The following KCNN2 variants were observed in gnomAD, a reference collection of about 807,000 sequenced individuals.
KCNN2 encodes small conductance calcium-activated potassium channel protein 2.
Under a neutral mutation model 55.5 loss-of-function variants are expected in KCNN2, and 24 were observed. That is an observed-to-expected ratio of 0.43 (90% CI 0.31 to 0.61). KCNN2 has a LOEUF of 0.61. KCNN2 is among the 20% of genes least tolerant of loss of function. The probability of loss-of-function intolerance (pLI) is 0.08; values close to 1 mark genes in which losing one functional copy is unlikely to be tolerated. For synonymous variants in KCNN2, 431 were observed against 336.1 expected, an observed-to-expected ratio of 1.28 and a Z score of -3.09; for missense variants, 754 against 853.6, an observed-to-expected ratio of 0.88 and a Z score of 1.45.
At chr5:114,189,716 TA>T (rs1753412210) in intron 1 of KCNN2, among the ~76,000 whole-genome samples, 1 of 152,186 alleles carries the variant, frequency 6.6e-6, no homozygotes, top group Admixed American at 6.5e-5. Flanking sequence ...CTCCAATTTA[TA>T]AATAAAATGA....
chr5:114,135,887 C>T (rs775129388), intron 1 of KCNN2, among the ~76,000 whole-genome samples: 23 of 151,766 alleles, frequency 1.5e-4, no homozygotes, highest in Non-Finnish European at 3.1e-4. Flanking sequence ...TTAATATATA[C>T]GTGTGGAAAA....
intron 2 of KCNN2, among the ~76,000 whole-genome samples, chr5:114,320,096 C>T (rs1479237239): frequency 6.6e-6 from 1 of 152,148 alleles, no homozygotes; most frequent in Non-Finnish European, 1.5e-5. Context: ...AGATCCCCTT[C>T]TTCATATCCC....
At chr5:114,374,775 A>G (rs750154279) in intron 2 of KCNN2, among the ~76,000 whole-genome samples, 1 of 152,200 alleles carries the variant, frequency 6.6e-6, no homozygotes, top group African/African-American at 2.4e-5. Context: ...GGAATTAATT[A>G]TGTAGACCAT....
intron 2 of KCNN2, among the ~76,000 whole-genome samples, chr5:114,387,873 C>G (rs537426972): frequency 1.3e-5 from 2 of 152,158 alleles, no homozygotes; most frequent in African/African-American, 4.8e-5. Context: ...TCTGCTCCCA[C>G]TCAGATATTA....
At chr5:114,078,584 G>GAT (rs763271279) in intron 1 of KCNN2, among the ~76,000 whole-genome samples, 7 of 152,148 alleles carry the variant, frequency 4.6e-5, no homozygotes, top group Non-Finnish European at 8.8e-5. Context: ...GGATAAATCA[G>GAT]TTCCTATGGG....
rs140835716 is a variant in KCNN2, at chr5:114,139,411, CTTCT to C, written c.-270-82066_-270-82063del. Among the ~76,000 whole-genome samples the C allele has an allele frequency of 4.1e-3, 622 of 151,418 alleles. 2 individuals carry two copies. Among genetic ancestry groups the C allele is most frequent in the Admixed American group, 7.0e-3 (106 of 15,160 alleles). On this transcript the variant is annotated intron_variant, in intron 1 of 10. Coordinates refer to the KCNN2 transcript ENST00000512097. The stretch of plus-strand genomic sequence containing the variant: ...GGTCTGGCTTCCTCTCCACTTCTTC[CTTCT>C]TTATTTTAATTTGCAAAGCAAAGGA...
chr5:114,075,973 T>C (rs1395691892), intron 1 of KCNN2, among the ~76,000 whole-genome samples: 1 of 152,190 alleles, frequency 6.6e-6, no homozygotes, highest in Non-Finnish European at 1.5e-5. Context: ...CCAGGCTAAA[T>C]TGTGAGCCAA....
chr5:114,302,341 C>T (rs909301084), intron 2 of KCNN2, among the ~76,000 whole-genome samples: 2 of 151,996 alleles, frequency 1.3e-5, no homozygotes, highest in African/African-American at 4.8e-5. Context: ...TTGTTCATTC[C>T]AAAGACATTT....
At chr5:114,320,266 A>C (rs1756589265) in intron 2 of KCNN2, among the ~76,000 whole-genome samples, 1 of 152,026 alleles carries the variant, frequency 6.6e-6, no homozygotes, top group Non-Finnish European at 1.5e-5. Flanking sequence ...TTTTGGTTCT[A>C]CAGGGTATTA....
chr5:114,257,167 G>A (rs925477334), intron 2 of KCNN2, among the ~76,000 whole-genome samples: 4 of 152,096 alleles, frequency 2.6e-5, no homozygotes, highest in Non-Finnish European at 4.4e-5. Flanking sequence ...TCAGTTAGCT[G>A]TAGGTATATG....
chr5:114,275,158 C>T (rs535241606), intron 2 of KCNN2, among the ~76,000 whole-genome samples: 36 of 152,276 alleles, frequency 2.4e-4, no homozygotes, highest in African/African-American at 8.7e-4. Context: ...ATATGTTGAA[C>T]CAGCCTTGCA....
At chr5:114,478,922 C>T (rs187932940) in intron 5 of KCNN2, among the ~76,000 whole-genome samples, 36 of 152,204 alleles carry the variant, frequency 2.4e-4, no homozygotes, top group African/African-American at 8.2e-4. Flanking sequence ...AAGGAAAAGC[C>T]GTTACCACCC....
intron 1 of KCNN2, among the ~76,000 whole-genome samples, chr5:114,169,595 A>G (rs545496273): frequency 6.6e-6 from 1 of 152,100 alleles, no homozygotes; most frequent in East Asian, 1.9e-4. Context: ...CAGAGCCGTT[A>G]TTATGTGCTC....
chr5:114,351,901 T>C (rs1388657166), intron 2 of KCNN2, among the ~76,000 whole-genome samples: 1 of 151,750 alleles, frequency 6.6e-6, no homozygotes, highest in African/African-American at 2.4e-5. Flanking sequence ...TGTAGTTTTC[T>C]TATGATGTCT....
At chr5:114,159,489 C>G (rs1220350824) in intron 1 of KCNN2, among the ~76,000 whole-genome samples, 1 of 152,080 alleles carries the variant, frequency 6.6e-6, no homozygotes, top group African/African-American at 2.4e-5. Flanking sequence ...CTGTGCCAGG[C>G]TTTGGTATCA....
At chr5:114,449,908 A>ACACACACACACACGCGCGCGCG (rs1309590184) in intron 3 of KCNN2, among the ~76,000 whole-genome samples, 8 of 66,176 alleles carry the variant, frequency 1.2e-4, no homozygotes, top group East Asian at 3.1e-3. Context: ...ACACACACAC[A>ACACACACACACACGCGCGCGCG]CGCGCGCGCT....
At chr5:114,456,765 T>C (rs1760943413) in intron 3 of KCNN2, among the ~76,000 whole-genome samples, 1 of 152,176 alleles carries the variant, frequency 6.6e-6, no homozygotes, top group African/African-American at 2.4e-5. Flanking sequence ...AGGATTCAAA[T>C]TTCAACAGAA....
At chr5:114,098,669 G>T (rs530060125) in intron 1 of KCNN2, among the ~76,000 whole-genome samples, 1 of 152,094 alleles carries the variant, frequency 6.6e-6, no homozygotes, top group South Asian at 2.1e-4. Flanking sequence ...TACCAAAAAG[G>T]TTGGGGACCG....
intron 3 of KCNN2, among the ~76,000 whole-genome samples, chr5:114,451,766 G>T (rs111726449): frequency 6.6e-6 from 1 of 151,742 alleles, no homozygotes; most frequent in Non-Finnish European, 1.5e-5. Flanking sequence ...GCATGGTAGC[G>T]GGTGCCTGTA....
Sources: gnomAD v4.1 joint callset for allele counts (sites outside exome capture counted in the v4.1 genomes callset) on GRCh38, gnomAD v4.1.1 for gene constraint, MANE v1.5 for transcripts, NCBI Gene and HGNC (gene_info 2026-07-23, HGNC 2026-07-21) for gene names.